CPEB1: variants seen among roughly 807,000 people sequenced by gnomAD.
The protein encoded by CPEB1 is cytoplasmic polyadenylation element-binding protein 1.
CPEB1 carries 7 observed loss-of-function variants against 65.8 expected under a neutral mutation model. That is an observed-to-expected ratio of 0.11 (90% CI 0.06 to 0.20). The LOEUF (loss-of-function observed/expected upper bound fraction) is 0.20, where lower values mean the gene tolerates loss of function less well. Ranked by LOEUF, CPEB1 falls within the 10% of genes least tolerant of loss-of-function variation. The pLI is 1.00. For synonymous variants in CPEB1, 262 were observed against 260.0 expected (o/e 1.01, Z -0.08); for missense variants, 551 against 712.2 (o/e 0.77, Z 2.58).
intron 3 of CPEB1, among the ~76,000 whole-genome samples, chr15:82,606,382 C>A (rs1478961658): frequency 6.7e-6 from 1 of 150,268 alleles, no homozygotes. Flanking sequence ...TGAGGGAGAA[C>A]TGCTTGAACC....
chr15:82,570,007 T>C (rs1300581432), intron 4 of CPEB1, among the ~76,000 whole-genome samples: 2 of 152,174 alleles, frequency 1.3e-5, no homozygotes, highest in Admixed American at 6.5e-5. Flanking sequence ...AACAGGGTAG[T>C]TGCTGACCTT....
intron 10 of CPEB1, among the ~76,000 whole-genome samples, chr15:82,548,303 C>A (rs1315251309): frequency 6.6e-6 from 1 of 152,060 alleles, no homozygotes; most frequent in Non-Finnish European, 1.5e-5. Context: ...CCACTGCACT[C>A]CAGCACGGCA....
chr15:82,635,287 C>G (rs2046569287), intron 1 of CPEB1, among the ~76,000 whole-genome samples: 1 of 152,198 alleles, frequency 6.6e-6, no homozygotes, highest in Non-Finnish European at 1.5e-5. Flanking sequence ...GTCATTCAGA[C>G]CACAGATCAG....
At chr15:82,617,516 C>A (rs1379417984) in intron 3 of CPEB1, among the ~76,000 whole-genome samples, 1 of 151,966 alleles carries the variant, frequency 6.6e-6, no homozygotes, top group Non-Finnish European at 1.5e-5. Flanking sequence ...TGGGTGGGAT[C>A]CTGGTACAGA....
chr15:82,578,816 A>T (rs1364318146), intron 3 of CPEB1, among the ~76,000 whole-genome samples: 1 of 152,064 alleles, frequency 6.6e-6, no homozygotes, highest in East Asian at 1.9e-4. Flanking sequence ...AGTCATACAA[A>T]ATTACATGTT....
At chr15:82,605,403 G>T (rs2043476086) in intron 3 of CPEB1, among the ~76,000 whole-genome samples, 1 of 152,126 alleles carries the variant, frequency 6.6e-6, no homozygotes. Context: ...GGCGGGATAA[G>T]AAGGTATTGG....
chr15:82,588,537 C>A (rs1055584805), intron 3 of CPEB1, among the ~76,000 whole-genome samples: 2 of 152,118 alleles, frequency 1.3e-5, no homozygotes, highest in African/African-American at 4.8e-5. Flanking sequence ...GCATGGCAGT[C>A]CATTCCATGA....
intron 3 of CPEB1, among the ~76,000 whole-genome samples, chr15:82,613,714 A>C (rs777769916): frequency 6.6e-6 from 1 of 152,200 alleles, no homozygotes; most frequent in Non-Finnish European, 1.5e-5. Flanking sequence ...TTTCTTAATC[A>C]GATAAAAAAC....
chr15:82,599,140 A>G (rs903280396), intron 3 of CPEB1, among the ~76,000 whole-genome samples: 4 of 152,178 alleles, frequency 2.6e-5, no homozygotes, highest in African/African-American at 9.7e-5. Flanking sequence ...ACAAATGAAA[A>G]ACTTAATAAT....
At chr15:82,576,247 A>C (rs1197840148) in intron 3 of CPEB1, among the ~76,000 whole-genome samples, 1 of 152,238 alleles carries the variant, frequency 6.6e-6, no homozygotes, top group Non-Finnish European at 1.5e-5. Flanking sequence ...AGAGCAGACA[A>C]AACTAATAAA....
At chr15:82,593,834 A>G (rs1338398286) in intron 3 of CPEB1, among the ~76,000 whole-genome samples, 1 of 152,222 alleles carries the variant, frequency 6.6e-6, no homozygotes, top group Non-Finnish European at 1.5e-5. Flanking sequence ...ATCTCCATCA[A>G]AGCTCGAGTG....
chr15:82,642,904 G>A (rs2047220087), intron 1 of CPEB1, among the ~76,000 whole-genome samples: 1 of 152,166 alleles, frequency 6.6e-6, no homozygotes. Flanking sequence ...TAGGTTTGGT[G>A]TGCATTTCTG....
intron 1 of CPEB1, among the ~76,000 whole-genome samples, chr15:82,635,761 G>A (rs1006898077): frequency 2.0e-5 from 3 of 152,122 alleles, no homozygotes; most frequent in Non-Finnish European, 4.4e-5. Flanking sequence ...ATAGAAGAGA[G>A]GAATAAAGTA....
At chr15:82,647,813 C>T, upstream of CPEB1, 1 of 1,282,290 alleles carries the variant, frequency 7.8e-7, no homozygotes, top group Non-Finnish European at 9.8e-7. Flanking sequence ...GCTACTGCGG[C>T]CGGGACGCGG....
At chr15:82,628,193 A>G in intron 2 of CPEB1, 171 bp downstream of exon 2, 1 of 702,352 alleles carries the variant, frequency 1.4e-6, no homozygotes, top group South Asian at 1.5e-5. Flanking sequence ...CATGCCCAAA[A>G]TAATAAATTC....
At chr15:82,621,688 G>A (rs2151295884) in intron 3 of CPEB1, among the ~76,000 whole-genome samples, 1 of 152,156 alleles carries the variant, frequency 6.6e-6, no homozygotes, top group South Asian at 2.1e-4. Context: ...TTAAAAGTCA[G>A]CAGTCTATTT....
At chr15:82,627,491 T>A in intron 2 of CPEB1, 124 bp from the exon 3 acceptor site, 2 of 662,356 alleles carry the variant, frequency 3.0e-6, no homozygotes, top group Non-Finnish European at 4.9e-6. Context: ...TTAAAACACT[T>A]AATGAGTGTT....
chr15:82,630,449 A>T (rs2046141721), intron 1 of CPEB1, among the ~76,000 whole-genome samples: 1 of 152,106 alleles, frequency 6.6e-6, no homozygotes, highest in Non-Finnish European at 1.5e-5. Context: ...TACAAAAAAT[A>T]CAAAACATTA....
At chr15:82,571,714 T>C (rs1343375473) in intron 3 of CPEB1, 182 bp from the exon 4 acceptor site, 1 of 1,427,320 alleles carries the variant, frequency 7.0e-7, no homozygotes, top group East Asian at 2.5e-5. Flanking sequence ...GCAGTTGCCA[T>C]ACAGGCCCCC....
Sources: gnomAD v4.1 joint callset for allele counts (sites outside exome capture counted in the v4.1 genomes callset) on GRCh38, gnomAD v4.1.1 for gene constraint, MANE v1.5 for transcripts, NCBI Gene and HGNC (gene_info 2026-07-23, HGNC 2026-07-21) for gene names.